The following JCAD variants were observed in gnomAD, a reference collection of about 807,000 sequenced individuals.
JCAD encodes junctional cadherin 5-associated protein.
JCAD carries 40 observed loss-of-function variants against 98.0 expected under a neutral mutation model. That is an observed-to-expected ratio of 0.41 (90% confidence interval 0.32 to 0.53). The LOEUF (loss-of-function observed/expected upper bound fraction) is 0.53, where lower values mean the gene tolerates loss of function less well. JCAD is among the 20% of genes least tolerant of loss of function. The pLI, the probability that JCAD is intolerant of heterozygous loss-of-function variation, is 0.31. For synonymous variants in JCAD, 691 were observed against 682.3 expected (o/e 1.01, Z -0.20); for missense variants, 1,705 against 1,738.1 (o/e 0.98, Z 0.34).
intron 1 of JCAD, among the ~76,000 whole-genome samples, chr10:30,077,755 C>T (rs192576372): frequency 2.6e-5 from 4 of 152,210 alleles, no homozygotes; most frequent in Non-Finnish European, 5.9e-5. Flanking sequence ...CAGAATTTCA[C>T]TCCTTCGTAA....
chr10:30,027,652 G>A lies in JCAD; in HGVS notation c.2496C>T (p.Ile832=). The change falls in exon 3 of 4, where the codon ATC becomes ATT. Residue 832 remains isoleucine, a synonymous_variant. Transcript: ENST00000375377. The part of the protein sequence containing the change: ...KPVSRRPWDL[I]SQLESFNKEL... ...CCTTGTTAAAACTTTCTAACTGACT[G>A]ATCAAATCCCAGGGACGACGGCTGA... 1 of 1,614,176 alleles carries A rather than the reference G, an allele frequency of 6.2e-7. No homozygotes were observed. The highest frequency in any genetic ancestry group is 1.1e-5 in the South Asian group (1 of 91,090).
At chr10:30,020,760 T>G (rs1451750998) in intron 3 of JCAD, among the ~76,000 whole-genome samples, 2 of 152,226 alleles carry the variant, frequency 1.3e-5, no homozygotes, top group African/African-American at 4.8e-5. Flanking sequence ...CCTCAGAGTG[T>G]TCACATTCTG....
At chr10:30,037,807 T>C (rs1837147069) in intron 2 of JCAD, among the ~76,000 whole-genome samples, 1 of 152,032 alleles carries the variant, frequency 6.6e-6, no homozygotes. Context: ...AGGAGGCATG[T>C]TGGAAAGGCA....
At chr10:30,053,827 C>A (rs1394066907) in intron 1 of JCAD, among the ~76,000 whole-genome samples, 2 of 151,912 alleles carry the variant, frequency 1.3e-5, no homozygotes, top group African/African-American at 4.8e-5. Flanking sequence ...CTTTGCGAGG[C>A]TGAGGTGGGC....
intron 1 of JCAD, among the ~76,000 whole-genome samples, chr10:30,056,644 C>G (rs1209605265): frequency 1.3e-5 from 2 of 151,938 alleles, no homozygotes; most frequent in Admixed American, 6.6e-5. Flanking sequence ...ACCAATAAGC[C>G]CAAAACTATA....
chr10:30,102,140 C>T (rs943746419), intron 1 of JCAD, among the ~76,000 whole-genome samples: 1 of 152,122 alleles, frequency 6.6e-6, no homozygotes, highest in East Asian at 1.9e-4. Context: ...GGTAAGAACA[C>T]TTTACGTAAG....
rs553974521 is a variant in JCAD, at chr10:30,074,446, G to A, written n.129-4625C>T. On this transcript the variant is annotated intron_variant and non_coding_transcript_variant, in intron 1 of 2. Transcript: ENST00000465712. Reference sequence around the variant, plus strand: ...GCTGATAATATCCCCCTCACAGATCGGGGGTCATGAGGGTTGCTGCTGATG... The same window carrying A: ...GCTGATAATATCCCCCTCACAGATCAGGGGTCATGAGGGTTGCTGCTGATG... Among the ~76,000 whole-genome samples the A allele has an allele frequency of 1.6e-4, 24 of 152,232 alleles. 3 individuals are homozygous for A. The South Asian group carries it at 4.4e-3, about 28-fold the overall frequency.
intron 2 of JCAD, among the ~76,000 whole-genome samples, chr10:30,046,077 C>T (rs527987692): frequency 6.6e-6 from 1 of 152,272 alleles, no homozygotes; most frequent in African/African-American, 2.4e-5. Context: ...AAAGAAAGGT[C>T]CCTGATTCCG....
chr10:30,032,871 C>T (rs1171881638), intron 2 of JCAD, among the ~76,000 whole-genome samples: 1 of 152,202 alleles, frequency 6.6e-6, no homozygotes, highest in African/African-American at 2.4e-5. Context: ...TTTCTGCAAA[C>T]TAACTCATTT....
chr10:30,111,034 G>C (rs963985026), intron 1 of JCAD, among the ~76,000 whole-genome samples: 1 of 151,920 alleles, frequency 6.6e-6, no homozygotes, highest in Non-Finnish European at 1.5e-5. Context: ...CTGATGTATA[G>C]ACCCCTGATG....
At chr10:30,068,490 A>G (rs906851759) in intron 2 of JCAD, among the ~76,000 whole-genome samples, 1 of 151,758 alleles carries the variant, frequency 6.6e-6, no homozygotes, top group African/African-American at 2.4e-5. Context: ...CCCATCACAC[A>G]TGGAAGCTGC....
At chr10:30,057,579 AG>A (rs942176562) in intron 1 of JCAD, among the ~76,000 whole-genome samples, 4 of 152,150 alleles carry the variant, frequency 2.6e-5, no homozygotes, top group African/African-American at 9.7e-5. Context: ...TCCCCGAAAC[AG>A]GCTTTCTCCA....
chr10:30,108,150 T>C (rs1838620222), intron 1 of JCAD, among the ~76,000 whole-genome samples: 1 of 151,932 alleles, frequency 6.6e-6, no homozygotes, highest in South Asian at 2.1e-4. Context: ...CCGTCTCTAC[T>C]AAAAATACAA....
In JCAD at chr10:30,026,560, C is replaced by T. The variant is rs1015742619; in HGVS notation, c.3588G>A (p.Leu1196=). 6.2e-7 allele frequency: 1 copy of T among 1,614,058 alleles called. No homozygotes were observed. Among genetic ancestry groups the T allele is most frequent in the African/African-American group, 1.3e-5 (1 of 74,924 alleles). ...DPVPEPEPSP[L]ESKFFEQKDV... ...CCTTTTGTTCGAAGAACTTGGACTC[C>T]AAGGGGCTGGGCTCAGGCTCAGGGA... is the stretch of plus-strand genomic sequence containing the variant. Residue 1196 remains leucine (L), a synonymous_variant, in exon 3 of 4, where the codon TTG becomes TTA. Transcript: ENST00000375377.
chr10:30,087,127 G>T (rs915327489), intron 1 of JCAD, among the ~76,000 whole-genome samples: 6 of 152,138 alleles, frequency 3.9e-5, no homozygotes, highest in African/African-American at 1.2e-4. Context: ...AGGCAAAGAG[G>T]CTAAGTGGCA....
At chr10:30,075,951 G>A (rs967561137) in intron 1 of JCAD, among the ~76,000 whole-genome samples, 1 of 152,050 alleles carries the variant, frequency 6.6e-6, no homozygotes, top group Non-Finnish European at 1.5e-5. Flanking sequence ...ACACCAAAAT[G>A]ACAAATGGTG....
intron 2 of JCAD, among the ~76,000 whole-genome samples, chr10:30,031,285 T>C (rs1836984114): frequency 6.6e-6 from 1 of 151,674 alleles, no homozygotes. Flanking sequence ...CACTCCATCA[T>C]GTCTTGCTAA....
At chr10:30,040,714 A>G (rs1358087695) in intron 2 of JCAD, among the ~76,000 whole-genome samples, 2 of 152,182 alleles carry the variant, frequency 1.3e-5, no homozygotes, top group African/African-American at 2.4e-5. Context: ...GAGGCCGCCT[A>G]AAGGCCCCAG....
chr10:30,080,859 C>T (rs572124314), intron 1 of JCAD, among the ~76,000 whole-genome samples: 1 of 152,376 alleles, frequency 6.6e-6, no homozygotes, highest in African/African-American at 2.4e-5. Context: ...TTTCCAAGAA[C>T]TGCCCTCTTA....
Sources: gnomAD v4.1 joint callset for allele counts (sites outside exome capture counted in the v4.1 genomes callset) on GRCh38, gnomAD v4.1.1 for gene constraint, MANE v1.5 for transcripts, NCBI Gene and HGNC (gene_info 2026-07-23, HGNC 2026-07-21) for gene names.